CSGALNACT1: variants seen among roughly 807,000 people sequenced by gnomAD.
The protein encoded by CSGALNACT1 is beta4GalNAcT-1.
CSGALNACT1 carries 52 observed loss-of-function variants against 51.0 expected under a neutral mutation model. The ratio of observed to expected loss-of-function variants is 1.02; its 90% confidence interval spans 0.82 to 1.29. The LOEUF (loss-of-function observed/expected upper bound fraction) is 1.29, where lower values mean the gene tolerates loss of function less well. CSGALNACT1 is among the 50% of genes most tolerant of loss of function. CSGALNACT1 has a pLI of 0.00. For missense variants in CSGALNACT1, 935 were observed against 679.2 expected, an observed-to-expected ratio of 1.38 and a Z score of -4.19; for synonymous variants, 341 against 254.4, an observed-to-expected ratio of 1.34 and a Z score of -3.24.
At chr8:19,412,555 C>G (rs896723036) in intron 8 of CSGALNACT1, among the ~76,000 whole-genome samples, 6 of 152,208 alleles carry the variant, frequency 3.9e-5, no homozygotes, top group Non-Finnish European at 8.8e-5. Context: ...ATCAGAGTCT[C>G]TCCTCAGCAC....
intron 2 of CSGALNACT1, among the ~76,000 whole-genome samples, chr8:19,596,406 T>A (rs186447740): frequency 4.1e-4 from 62 of 152,048 alleles, no homozygotes; most frequent in Middle Eastern, 3.4e-3. Context: ...AACCCTGGAG[T>A]GTGTCACGCC....
intron 3 of CSGALNACT1, among the ~76,000 whole-genome samples, chr8:19,581,776 C>A (rs886442163): frequency 1.3e-5 from 2 of 152,076 alleles, no homozygotes; most frequent in African/African-American, 4.8e-5. Context: ...GACCCAAGGC[C>A]CATAAAGCAG....
At chr8:19,452,509 AGAG>A (rs1163226971) in intron 5 of CSGALNACT1, among the ~76,000 whole-genome samples, 1 of 152,054 alleles carries the variant, frequency 6.6e-6, no homozygotes, top group Non-Finnish European at 1.5e-5. Flanking sequence ...CTGAAGAGTT[AGAG>A]GAGAAGGGAT....
intron 1 of CSGALNACT1, among the ~76,000 whole-genome samples, chr8:19,635,978 C>T (rs1028987115): frequency 3.9e-5 from 6 of 152,184 alleles, no homozygotes; most frequent in African/African-American, 1.4e-4. Flanking sequence ...GATCCACCTG[C>T]CTTGATCTTC....
chr8:19,510,686 G>T (rs2078302709), intron 3 of CSGALNACT1, among the ~76,000 whole-genome samples: 1 of 152,220 alleles, frequency 6.6e-6, no homozygotes, highest in African/African-American at 2.4e-5. Flanking sequence ...AAACGTATGG[G>T]TGAGGAGTGG....
At chr8:19,438,801 G>A (rs972200328) in intron 6 of CSGALNACT1, among the ~76,000 whole-genome samples, 1 of 152,198 alleles carries the variant, frequency 6.6e-6, no homozygotes, top group East Asian at 1.9e-4. Context: ...GCTTAAGAAT[G>A]CTTGAATAAT....
intron 1 of CSGALNACT1, among the ~76,000 whole-genome samples, chr8:19,668,650 G>C (rs1280394709): frequency 6.6e-6 from 1 of 152,132 alleles, no homozygotes; most frequent in African/African-American, 2.4e-5. Context: ...CACCTCCTCA[G>C]TTCAAGCAAT....
Position 19,469,105 on chromosome 8 carries a change from C to T in CSGALNACT1, c.635-10463G>A, listed in dbSNP as rs143395527. On this transcript the variant is annotated intron_variant, in intron 4 of 9. Coordinates refer to ENST00000454498, the Ensembl canonical transcript of CSGALNACT1. ...CTAAGATAAGGATGAAATTGGCCCACTGCCCTGAGTGCGGTGGCTCATACT... is the reference window on the plus strand; with the variant it reads ...CTAAGATAAGGATGAAATTGGCCCATTGCCCTGAGTGCGGTGGCTCATACT... 4.1e-4 allele frequency among the ~76,000 whole-genome samples: 63 copies of T among 152,272 alleles called. No homozygotes were observed. In the Middle Eastern group the frequency reaches 0.017, roughly 41 times the overall value.
At chr8:19,640,047 A>G (rs2056557443) in intron 1 of CSGALNACT1, among the ~76,000 whole-genome samples, 1 of 151,794 alleles carries the variant, frequency 6.6e-6, no homozygotes, top group Non-Finnish European at 1.5e-5. Context: ...TGCCCATTCA[A>G]CCAAGCTCAG....
At position 19,745,107 on chromosome 8, in the gene CSGALNACT1, C is replaced by T. The variant is rs577398226; in HGVS notation, c.-297+12743G>A. On this transcript the variant is annotated intron_variant, in intron 1 of 1. Transcript: ENST00000517494. ...AGTCGTCTGACCCGAAGTATTCCAT[C>T]GATGTGAATCTCAGTTCTTCAAGTA... 5.3e-5 allele frequency among the ~76,000 whole-genome samples: 8 copies of T among 152,254 alleles called. No individual in the cohort carries two copies. The South Asian group carries it at 1.4e-3, about 28-fold the overall frequency.
chr8:19,455,577 T>C (rs1463413947), intron 5 of CSGALNACT1, among the ~76,000 whole-genome samples: 2 of 152,238 alleles, frequency 1.3e-5, no homozygotes, highest in South Asian at 4.1e-4. Flanking sequence ...ATGCCCTGAA[T>C]AACCCCTTCT....
chr8:19,405,140 G>A (rs1563232664), exon 10 of CSGALNACT1: 1 of 450,772 alleles, frequency 2.2e-6, no homozygotes, highest in African/African-American at 2.0e-5. Flanking sequence ...ACTCACAAGG[G>A]AAAAAAAGTG....
At chr8:19,445,299 T>A (rs1430687348) in intron 5 of CSGALNACT1, among the ~76,000 whole-genome samples, 1 of 152,164 alleles carries the variant, frequency 6.6e-6, no homozygotes, top group Admixed American at 6.5e-5. Context: ...TGCTTGAAAT[T>A]TGTGCATGCA....
intron 2 of CSGALNACT1, among the ~76,000 whole-genome samples, chr8:19,592,974 TA>T (rs1442258828): frequency 6.6e-6 from 1 of 152,220 alleles, no homozygotes; most frequent in Non-Finnish European, 1.5e-5. Flanking sequence ...TGACTTACAA[TA>T]TTTTTGACTT....
chr8:19,641,770 T>A (rs1486267079), intron 1 of CSGALNACT1: 1 of 152,190 alleles, frequency 6.6e-6, no homozygotes, highest in Non-Finnish European at 1.5e-5. Context: ...GAAAGCAAAG[T>A]GATGGCTCAT....
At chr8:19,668,404 T>C (rs2059550414) in intron 1 of CSGALNACT1, among the ~76,000 whole-genome samples, 1 of 152,174 alleles carries the variant, frequency 6.6e-6, no homozygotes, top group Admixed American at 6.6e-5. Context: ...CCTTTGTTTT[T>C]GTAATTTTAG....
chr8:19,674,155 T>G (rs1049790409), intron 1 of CSGALNACT1, among the ~76,000 whole-genome samples: 5 of 152,168 alleles, frequency 3.3e-5, no homozygotes, highest in Non-Finnish European at 7.3e-5. Flanking sequence ...TAGCCAGGTG[T>G]GGTGGCGGAC....
intron 3 of CSGALNACT1, among the ~76,000 whole-genome samples, chr8:19,515,077 C>G (rs899746037): frequency 1.3e-5 from 2 of 152,066 alleles, no homozygotes; most frequent in East Asian, 3.9e-4. Context: ...GTGCCAGGAT[C>G]ATGCCTTGAT....
upstream of CSGALNACT1, among the ~76,000 whole-genome samples, chr8:19,684,172 A>G (rs1178043847): frequency 6.6e-6 from 1 of 152,142 alleles, no homozygotes; most frequent in African/African-American, 2.4e-5. Context: ...TCTCAAAAAA[A>G]AAATACATAA....
Sources: gnomAD v4.1 joint callset for allele counts (sites outside exome capture counted in the v4.1 genomes callset) on GRCh38, gnomAD v4.1.1 for gene constraint, MANE v1.5 for transcripts, NCBI Gene and HGNC (gene_info 2026-07-23, HGNC 2026-07-21) for gene names.